The following CNTN5 variants were observed in gnomAD, a reference collection of about 807,000 sequenced individuals.
The protein encoded by CNTN5 is contactin 5.
In CNTN5, 77 loss-of-function variants were observed where a neutral mutation model predicts 129.1. The observed-to-expected ratio is 0.60, with a 90% CI of 0.50 to 0.72. The LOEUF (loss-of-function observed/expected upper bound fraction) is 0.72, where lower values mean the gene tolerates loss of function less well. Ranked by LOEUF, CNTN5 falls within the 30% of genes least tolerant of loss-of-function variation. The pLI is 0.00. For synonymous variants in CNTN5, 509 were observed against 465.6 expected (o/e 1.09, Z -1.20); for missense variants, 1,478 against 1,328.8 (o/e 1.11, Z -1.75).
intron 1 of CNTN5, among the ~76,000 whole-genome samples, chr11:99,205,185 C>A (rs914123980): frequency 2.8e-5 from 2 of 71,708 alleles, no homozygotes; most frequent in African/African-American, 1.0e-4. Context: ...ACAAAAAAAA[C>A]TCCAAGAAAC....
intron 1 of CNTN5, among the ~76,000 whole-genome samples, chr11:99,162,407 A>C (rs1860662329): frequency 6.6e-6 from 1 of 152,176 alleles, no homozygotes; most frequent in African/African-American, 2.4e-5. Context: ...ACCATGAGGC[A>C]ATAAACCTAA....
intron 3 of CNTN5, among the ~76,000 whole-genome samples, chr11:99,735,222 A>AAAAAC (rs60172683): frequency 6.6e-6 from 1 of 151,506 alleles, no homozygotes; most frequent in African/African-American, 2.4e-5. Context: ...TATCTCCTGA[A>AAAAAC]AATCCCAATG....
At chr11:100,005,237 A>G (rs1460689475) in intron 9 of CNTN5, among the ~76,000 whole-genome samples, 1 of 152,136 alleles carries the variant, frequency 6.6e-6, no homozygotes, top group African/African-American at 2.4e-5. Context: ...GTTAATCAAA[A>G]ATAAATAAGT....
At chr11:100,136,366 A>G (rs2138232160) in intron 13 of CNTN5, among the ~76,000 whole-genome samples, 1 of 152,186 alleles carries the variant, frequency 6.6e-6, no homozygotes, top group South Asian at 2.1e-4. Flanking sequence ...CTGTATTTGG[A>G]CTTAGAGCCT....
At chr11:99,589,495 T>A (rs1315924487) in intron 3 of CNTN5, among the ~76,000 whole-genome samples, 2 of 152,224 alleles carry the variant, frequency 1.3e-5, no homozygotes, top group African/African-American at 4.8e-5. Context: ...ATGAAAACAG[T>A]AATTTTGCCT....
chr11:99,740,467 A>G (rs1047047385), intron 3 of CNTN5, among the ~76,000 whole-genome samples: 1 of 152,196 alleles, frequency 6.6e-6, no homozygotes, highest in African/African-American at 2.4e-5. Context: ...AACTCAAGTA[A>G]GAAAGCAGGA....
chr11:99,389,347 C>T (rs1019861629), intron 2 of CNTN5, among the ~76,000 whole-genome samples: 1 of 151,888 alleles, frequency 6.6e-6, no homozygotes, highest in Non-Finnish European at 1.5e-5. Flanking sequence ...TATTTTCTAT[C>T]CCAGGTTAAA....
intron 13 of CNTN5, among the ~76,000 whole-genome samples, chr11:100,156,972 G>A (rs765395148): frequency 2.3e-4 from 35 of 151,598 alleles, no homozygotes; most frequent in African/African-American, 7.7e-4. Context: ...GAAGTTTTTC[G>A]TGTGTGTGTC....
intron 2 of CNTN5, among the ~76,000 whole-genome samples, chr11:99,438,552 C>G (rs533255133): frequency 1.3e-5 from 2 of 152,042 alleles, no homozygotes; most frequent in African/African-American, 2.4e-5. Flanking sequence ...ATCTCTCTCT[C>G]TCTCATACAC....
chr11:100,354,354 C>A (rs1952479551), intron 24 of CNTN5, among the ~76,000 whole-genome samples: 1 of 151,562 alleles, frequency 6.6e-6, no homozygotes, highest in South Asian at 2.1e-4. Flanking sequence ...CTACTTCAGA[C>A]CAATCAACCT....
chr11:99,329,611 A>T (rs987893587), intron 2 of CNTN5, among the ~76,000 whole-genome samples: 2 of 152,172 alleles, frequency 1.3e-5, no homozygotes, highest in Admixed American at 1.3e-4. Flanking sequence ...CTTAGTATAC[A>T]GAGTGAATCC....
chr11:100,330,497 C>CA (rs1478572277), intron 21 of CNTN5, among the ~76,000 whole-genome samples: 1 of 149,812 alleles, frequency 6.7e-6, no homozygotes, highest in Non-Finnish European at 1.5e-5. Flanking sequence ...AAATTCATCA[C>CA]AAAAAGATCA....
At chr11:99,809,438 G>C (rs916988426) in intron 3 of CNTN5, among the ~76,000 whole-genome samples, 1 of 151,984 alleles carries the variant, frequency 6.6e-6, no homozygotes, top group African/African-American at 2.4e-5. Context: ...TTTAATGTGG[G>C]ATATATAATA....
intron 2 of CNTN5, among the ~76,000 whole-genome samples, chr11:99,548,576 TTGCTTATCTAAG>T (rs1948376735): frequency 6.6e-6 from 1 of 152,220 alleles, no homozygotes; most frequent in African/African-American, 2.4e-5. Flanking sequence ...AAGTTTCAGT[TTGCTTATCTAAG>T]TGCTTGAATT....
chr11:99,209,542 T>A (rs1169601884), intron 1 of CNTN5, among the ~76,000 whole-genome samples: 2 of 152,084 alleles, frequency 1.3e-5, no homozygotes, highest in East Asian at 3.9e-4. Flanking sequence ...TCATGAGGGA[T>A]CCGCCGCCAT....
At chr11:99,690,052 A>G (rs1953974701) in intron 3 of CNTN5, among the ~76,000 whole-genome samples, 1 of 152,008 alleles carries the variant, frequency 6.6e-6, no homozygotes, top group Non-Finnish European at 1.5e-5. Context: ...TAGGGTTTTT[A>G]TAGTTTTGGG....
intron 20 of CNTN5, among the ~76,000 whole-genome samples, chr11:100,302,113 C>CA (rs1181839048): frequency 2.0e-5 from 3 of 151,466 alleles, no homozygotes; most frequent in Non-Finnish European, 4.4e-5. Flanking sequence ...ACATAGATAG[C>CA]AATAATAGAT....
chr11:99,506,989 A>G (rs536329345), intron 2 of CNTN5, among the ~76,000 whole-genome samples: 9 of 152,222 alleles, frequency 5.9e-5, no homozygotes, highest in Admixed American at 3.3e-4. Flanking sequence ...GACATCTAAC[A>G]TATGAAATGA....
intron 3 of CNTN5, among the ~76,000 whole-genome samples, chr11:99,635,063 C>G (rs1188328432): frequency 6.6e-6 from 1 of 152,102 alleles, no homozygotes; most frequent in Non-Finnish European, 1.5e-5. Context: ...ATGTTTATTC[C>G]TGGACAGAAG....
Sources: gnomAD v4.1 joint callset for allele counts (sites outside exome capture counted in the v4.1 genomes callset) on GRCh38, gnomAD v4.1.1 for gene constraint, MANE v1.5 for transcripts, NCBI Gene and HGNC (gene_info 2026-07-23, HGNC 2026-07-21) for gene names.